The following SHQ1 variants were observed in gnomAD, a reference collection of about 807,000 sequenced individuals.
The protein encoded by SHQ1 is SHQ1, H/ACA ribonucleoprotein assembly factor.
In SHQ1, 49 loss-of-function variants were observed where a neutral mutation model predicts 53.8. The observed-to-expected ratio is 0.91, with a 90% CI of 0.72 to 1.16. The LOEUF is 1.16. SHQ1 is among the 50% of genes most tolerant of loss of function. The probability of loss-of-function intolerance (pLI) is 0.00; values close to 1 mark genes in which losing one functional copy is unlikely to be tolerated. For synonymous variants in SHQ1, 243 were observed against 251.0 expected (o/e 0.97, Z 0.30); for missense variants, 738 against 683.1 (o/e 1.08, Z -0.90).
chr3:72,737,494 AATGCAGCTGTCCCTC>A, the SHQ1 span, among the ~76,000 whole-genome samples: 2 of 152,096 alleles, frequency 1.3e-5, no homozygotes, highest in Non-Finnish European at 2.9e-5. Context: ...AGATTTTTAC[AATGCAGCTGTCCCTC>A]AATATCTGCA....
At chr3:72,757,131 T>A (rs1705513410) in intron 10 of SHQ1, among the ~76,000 whole-genome samples, 1 of 152,162 alleles carries the variant, frequency 6.6e-6, no homozygotes, top group South Asian at 2.1e-4. Context: ...CAATAGCAGG[T>A]CTACTATAAA....
chr3:72,824,685 A>C (rs1559691204), intron 5 of SHQ1, 134 bp from the exon 6 acceptor site: 3 of 1,037,848 alleles, frequency 2.9e-6, no homozygotes, highest in Non-Finnish European at 4.0e-6. Flanking sequence ...AAGACTGAAC[A>C]CTATATTTAC....
At chr3:72,735,370 C>G in the SHQ1 span, among the ~76,000 whole-genome samples, 1 of 145,172 alleles carries the variant, frequency 6.9e-6, no homozygotes, top group South Asian at 2.3e-4. Flanking sequence ...GCTTGTTGGT[C>G]AAGAGGATGG....
intron 4 of SHQ1, among the ~76,000 whole-genome samples, chr3:72,835,108 T>G (rs1389103758): frequency 7.0e-6 from 1 of 143,626 alleles, no homozygotes; most frequent in Admixed American, 6.9e-5. Context: ...ATCAGCTTCT[T>G]TTTTTTTTTT....
chr3:72,746,758 T>C (rs573666690), downstream of SHQ1, among the ~76,000 whole-genome samples: 233 of 152,306 alleles, frequency 1.5e-3, 1 homozygote, highest in African/African-American at 5.3e-3. Context: ...CAAAAATTGA[T>C]GGAAGGAAGA....
In SHQ1 at chr3:72,815,366, G is replaced by A. The variant is rs1165915357; in HGVS notation, c.920C>T (p.Thr307Ile). 1.2e-6 allele frequency: 2 copies of A among 1,613,250 alleles called. No individual in the cohort carries two copies. The highest frequency in any genetic ancestry group is 1.7e-6 in the Non-Finnish European group (2 of 1,179,656). Residue 307 changes from threonine to isoleucine, a missense_variant, in exon 8 of 11, where the codon ACA becomes ATA. Thr to Ile is a moderately conservative substitution (Grantham distance 89). Coordinates refer to ENST00000325599, the MANE Select transcript of SHQ1 (RefSeq NM_018130.3). ...AAATCATACCTCAAACCAGCATAGT[G>A]TTGGACTCAGTTTCCTGATATTCCA... ...SAWNIRKLSPTLCWFETWTNV... is the reference protein window; with the variant it reads ...SAWNIRKLSPILCWFETWTNV...
chr3:72,746,711 G>A (rs1575670117), downstream of SHQ1, among the ~76,000 whole-genome samples: 2 of 152,166 alleles, frequency 1.3e-5, no homozygotes, highest in East Asian at 3.9e-4. Context: ...CCCAAGACAA[G>A]TCTCACTGAA....
chr3:72,827,881 A>G (rs1299241229), intron 5 of SHQ1, among the ~76,000 whole-genome samples: 2 of 151,498 alleles, frequency 1.3e-5, no homozygotes. Flanking sequence ...CAGCCTCCCA[A>G]GTAGCGGGGA....
the SHQ1 span, among the ~76,000 whole-genome samples, chr3:72,730,719 G>A: frequency 6.6e-6 from 1 of 152,060 alleles, no homozygotes; most frequent in Non-Finnish European, 1.5e-5. Flanking sequence ...TTAGAATTAA[G>A]ACACTTCATG....
chr3:72,731,083 G>A, the SHQ1 span, among the ~76,000 whole-genome samples: 1 of 137,384 alleles, frequency 7.3e-6, no homozygotes, highest in South Asian at 2.8e-4. Context: ...CCACCCCTGT[G>A]GTGGGATTCG....
At chr3:72,813,830 C>CTTTTTTTTTTTTT (rs931930903) in intron 8 of SHQ1, among the ~76,000 whole-genome samples, 1 of 108,202 alleles carries the variant, frequency 9.2e-6, no homozygotes, top group African/African-American at 3.4e-5. Context: ...TCCTCTTTTT[C>CTTTTTTTTTTTTT]TTTTTTTTTT....
At chr3:72,748,386 G>C (rs1368563343), downstream of SHQ1, among the ~76,000 whole-genome samples, 1 of 112,578 alleles carries the variant, frequency 8.9e-6, no homozygotes, top group Non-Finnish European at 1.7e-5. Flanking sequence ...CTTGTATCCA[G>C]AATTTATAAA....
At chr3:72,732,017 G>C in the SHQ1 span, among the ~76,000 whole-genome samples, 1 of 151,614 alleles carries the variant, frequency 6.6e-6, no homozygotes, top group African/African-American at 2.4e-5. Context: ...GCAAGAGGTA[G>C]GCAAAGGCCA....
At chr3:72,799,267 A>G (rs1244157024) in intron 9 of SHQ1, among the ~76,000 whole-genome samples, 2 of 152,232 alleles carry the variant, frequency 1.3e-5, no homozygotes, top group Non-Finnish European at 2.9e-5. Flanking sequence ...TCATCTGAAA[A>G]TAACAGCCAA....
intron 10 of SHQ1, among the ~76,000 whole-genome samples, chr3:72,762,822 G>A (rs548906993): frequency 1.3e-5 from 2 of 151,808 alleles, no homozygotes; most frequent in Admixed American, 6.6e-5. Context: ...TTACAGGCAC[G>A]CACCACCACG....
chr3:72,844,451 G>C, intron 1 of SHQ1, 28 bp from the exon 2 acceptor site: 1 of 1,583,232 alleles, frequency 6.3e-7, no homozygotes, highest in Non-Finnish European at 8.7e-7. Context: ...GTCTCATGAA[G>C]TCCTTAAATT....
At chr3:72,737,498 C>T in the SHQ1 span, among the ~76,000 whole-genome samples, 1 of 152,044 alleles carries the variant, frequency 6.6e-6, no homozygotes, top group South Asian at 2.1e-4. Flanking sequence ...TTTTACAATG[C>T]AGCTGTCCCT....
chr3:72,825,207 T>C (rs1707614025), intron 5 of SHQ1, among the ~76,000 whole-genome samples: 1 of 152,124 alleles, frequency 6.6e-6, no homozygotes, highest in Admixed American at 6.5e-5. Context: ...CACATTGGAC[T>C]GAAATCTAGC....
At position 72,788,389 on chromosome 3, in the gene SHQ1, A is replaced by C. The variant is rs375115272; in HGVS notation, c.1181+4527T>G. Among the ~76,000 whole-genome samples the C allele has an allele frequency of 2.0e-5, 3 of 146,518 alleles. No individual in the cohort carries two copies. In the East Asian group the frequency reaches 6.1e-4, roughly 30 times the overall value. ...CCACCCCATCTGGGAGGTGAGGAGC[A>C]TCTCTGACCAGCCGCCCCGTCTGAG... On this transcript the variant is annotated intron_variant, in intron 10 of 10. Transcript: ENST00000325599.
Sources: allele counts gnomAD v4.1 joint callset (sites outside exome capture counted in the v4.1 genomes callset), GRCh38; gene constraint gnomAD v4.1.1; transcripts MANE v1.5; gene names NCBI Gene and HGNC (gene_info 2026-07-23, HGNC 2026-07-21).